Variants in TSPEAR observed in about 807,000 individuals in gnomAD.
TSPEAR encodes the protein thrombospondin-type laminin G domain and EAR repeat-containing protein.
TSPEAR carries 69 observed loss-of-function variants against 71.6 expected under a neutral mutation model. The ratio of observed to expected loss-of-function variants is 0.96; its 90% CI spans 0.79 to 1.18. The LOEUF (loss-of-function observed/expected upper bound fraction) is 1.18, where lower values mean the gene tolerates loss of function less well. TSPEAR is among the 50% of genes most tolerant of loss of function. The pLI, the probability that TSPEAR is intolerant of heterozygous loss-of-function variation, is 0.00. For missense variants in TSPEAR, 971 were observed against 894.9 expected (o/e 1.09, Z -1.09); for synonymous variants, 402 against 387.2 (o/e 1.04, Z -0.45).
At chr21:44,568,043 AC>A (rs34251979) in intron 1 of TSPEAR, 38 bp from the exon 2 acceptor site, 1 of 1,464,106 alleles carries the variant, frequency 6.8e-7, no homozygotes, top group Non-Finnish European at 9.1e-7. Context: ...AGGCCAGGAC[AC>A]CCCCAAAAGT....
chr21:44,580,726 G>T (rs1601443203), intron 1 of TSPEAR: 2 of 787,792 alleles, frequency 2.5e-6, no homozygotes, highest in African/African-American at 1.7e-5. Context: ...CCGACAGGAG[G>T]CTCCACAAGC....
intron 1 of TSPEAR, among the ~76,000 whole-genome samples, chr21:44,579,122 C>T (rs1978684793): frequency 6.6e-6 from 1 of 152,276 alleles, no homozygotes; most frequent in Non-Finnish European, 1.5e-5. Flanking sequence ...CTGCGGTGCC[C>T]GGACCCCAGG....
chr21:44,647,967 C>T (rs782644209), intron 1 of TSPEAR, among the ~76,000 whole-genome samples: 1 of 152,208 alleles, frequency 6.6e-6, no homozygotes, highest in Non-Finnish European at 1.5e-5. Context: ...AAAGCTGAGT[C>T]GGGAAGAAGC....
chr21:44,684,148 C>T (rs934163561), intron 1 of TSPEAR, among the ~76,000 whole-genome samples: 1 of 152,212 alleles, frequency 6.6e-6, no homozygotes, highest in Non-Finnish European at 1.5e-5. Context: ...CCTGGCTTCT[C>T]ATGAGAAACA....
At chr21:44,597,611 T>C (rs1472451050) in intron 1 of TSPEAR, among the ~76,000 whole-genome samples, 1 of 152,034 alleles carries the variant, frequency 6.6e-6, no homozygotes, top group Non-Finnish European at 1.5e-5. Flanking sequence ...TTTGTATTTT[T>C]AGTAGAGACA....
At chr21:44,677,377 T>C (rs1601555849) in intron 1 of TSPEAR, 3 of 1,411,196 alleles carry the variant, frequency 2.1e-6, no homozygotes, top group Non-Finnish European at 3.0e-6. Flanking sequence ...GAGTGTGCAT[T>C]GACAGCCTGG....
intron 9 of TSPEAR, chr21:44,509,710 C>T (rs1371258264): frequency 9.0e-6 from 3 of 334,996 alleles, no homozygotes; most frequent in Non-Finnish European, 1.7e-5. Flanking sequence ...CTCCTGCTGG[C>T]AGCCTCCTTG....
rs587657965 is a variant in TSPEAR at position 44,593,380 on chromosome 21, C to T, written c.83-25375G>A. ...TGTGCCAGGCCTCTTAGTGTCACCA[C>T]CTTAAAATTAAGGGACATCTGTCCA... On this transcript the variant is annotated intron_variant, in intron 1 of 11. Coordinates refer to ENST00000323084, the MANE Select transcript of TSPEAR (RefSeq NM_144991.3). The surrounding 1 kb of genome is among the most constrained non-coding windows in gnomAD (Gnocchi z 5.9). Among the ~76,000 whole-genome samples the T allele has an allele frequency of 6.6e-6, 1 of 152,306 alleles. No homozygotes were observed. Among genetic ancestry groups the T allele is most frequent in the African/African-American group, 2.4e-5 (1 of 41,562 alleles).
intron 2 of TSPEAR, among the ~76,000 whole-genome samples, chr21:44,540,546 C>G (rs1355550133): frequency 1.3e-5 from 2 of 152,118 alleles, no homozygotes; most frequent in Non-Finnish European, 2.9e-5. Flanking sequence ...GTGTGGCATG[C>G]CAGGGTGAGA....
At chr21:44,677,434 T>C (rs1178863245) in intron 1 of TSPEAR, 9 of 944,744 alleles carry the variant, frequency 9.5e-6, no homozygotes, top group Non-Finnish European at 1.2e-5. Context: ...ACATTTGCAG[T>C]TTGCCTCAGA....
Position 44,499,462 on chromosome 21 carries a change from T to A in TSPEAR, c.*321A>T, listed in dbSNP as rs797031672. 1.0e-4 allele frequency: 31 copies of A among 300,022 alleles called. No homozygotes were observed. Among genetic ancestry groups the A allele is most frequent in the Middle Eastern group, 9.6e-4 (1 of 1,046 alleles). 18.6% of individuals were successfully genotyped at this position (300,022 alleles called of 1,614,324 possible). A position where few individuals can be genotyped will look rare whatever the true frequency, so the allele number is the denominator to read the frequency against. On this transcript the variant is annotated 3_prime_UTR_variant, in exon 12 of 12. Transcript: ENST00000323084. Reference sequence around the variant, plus strand: ...GCAGGGACATGAACCGAGGTCCTGTTGTTTGAGGTAAAAATGTATAGAAAC... The same window carrying A: ...GCAGGGACATGAACCGAGGTCCTGTAGTTTGAGGTAAAAATGTATAGAAAC...
At chr21:44,598,318 C>T (rs979958721) in intron 1 of TSPEAR, among the ~76,000 whole-genome samples, 4 of 152,178 alleles carry the variant, frequency 2.6e-5, no homozygotes, top group Non-Finnish European at 5.9e-5. Flanking sequence ...CAATCCCAGC[C>T]AATGGGGAAA....
chr21:44,539,588 C>A (rs373771968), intron 2 of TSPEAR: 2 of 1,613,158 alleles, frequency 1.2e-6, no homozygotes, highest in African/African-American at 1.3e-5. Flanking sequence ...AGGCTTGCAA[C>A]GGACGGGCAC....
chr21:44,702,649 T>C (rs1987712632), intron 1 of TSPEAR: 2 of 1,582,622 alleles, frequency 1.3e-6, no homozygotes, highest in Admixed American at 1.7e-5. Flanking sequence ...CAGGCCCACC[T>C]GCTGCATGCC....
intron 2 of TSPEAR, among the ~76,000 whole-genome samples, chr21:44,540,603 C>A (rs2053204254): frequency 6.6e-6 from 1 of 152,200 alleles, no homozygotes; most frequent in South Asian, 2.1e-4. Context: ...TAAAGCGGGT[C>A]CTCACTGAAG....
At chr21:44,601,668 T>C (rs781839634) in intron 1 of TSPEAR, 2 of 1,612,622 alleles carry the variant, frequency 1.2e-6, no homozygotes, top group South Asian at 1.1e-5. Context: ...TGTCTCTCCT[T>C]TGCCGCCCCG....
chr21:44,701,247 T>G (rs1353903536), intron 1 of TSPEAR, among the ~76,000 whole-genome samples: 1 of 152,176 alleles, frequency 6.6e-6, no homozygotes, highest in Non-Finnish European at 1.5e-5. Flanking sequence ...CACGGACTGT[T>G]TCTCTCTGCG....
intron 9 of TSPEAR, among the ~76,000 whole-genome samples, chr21:44,511,509 C>T (rs782198851): frequency 1.3e-5 from 2 of 152,230 alleles, no homozygotes; most frequent in African/African-American, 4.8e-5. Context: ...TGCAACCATG[C>T]ATCTGTGTCC....
intron 9 of TSPEAR, among the ~76,000 whole-genome samples, chr21:44,516,860 T>C (rs1433964318): frequency 3.9e-5 from 6 of 151,988 alleles, no homozygotes; most frequent in African/African-American, 1.5e-4. Flanking sequence ...CTCCTGGGTA[T>C]GGCCCTCCCC....
Sources: gnomAD v4.1 joint callset for allele counts (sites outside exome capture counted in the v4.1 genomes callset) on GRCh38, gnomAD v4.1.1 for gene constraint, Gnocchi (gnomAD v3.1) non-coding constraint, MANE v1.5 for transcripts, NCBI Gene and HGNC (gene_info 2026-07-23, HGNC 2026-07-21) for gene names.